The following DROSHA variants were observed in gnomAD, a reference collection of about 807,000 sequenced individuals.
DROSHA encodes drosha ribonuclease III, also known as ribonuclease 3.
In DROSHA, 56 loss-of-function variants were observed where a neutral mutation model predicts 181.9. That is an observed-to-expected ratio of 0.31 (90% confidence interval 0.25 to 0.38). The LOEUF (loss-of-function observed/expected upper bound fraction) is 0.38. DROSHA is among the 10% of genes least tolerant of loss of function. The probability of loss-of-function intolerance (pLI) is 1.00; values close to 1 mark genes in which losing one functional copy is unlikely to be tolerated. For synonymous variants in DROSHA, 524 were observed against 591.2 expected (o/e 0.89, Z 1.65); for missense variants, 1,218 against 1,743.5 (o/e 0.70, Z 5.37).
Position 31,435,867 on chromosome 5 carries a change from AC to A in DROSHA, c.2943-4del. ...GAAACAAATAGTACAAATGGACGCT[AC>A]AAAAAAAAAAAGAAGTACATGAATA... On this transcript the variant is annotated splice_polypyrimidine_tract_variant and splice_region_variant and intron_variant, in intron 24 of 35. Transcript: ENST00000344624. The A allele has an allele frequency of 6.2e-7, 1 of 1,606,598 alleles. No individual in the cohort carries two copies. Among genetic ancestry groups the A allele is most frequent in the Admixed American group, 1.7e-5 (1 of 58,548 alleles).
At position 31,409,507 on chromosome 5, in the gene DROSHA, A is replaced by T; in HGVS notation, c.3668-175T>A. The T allele has an allele frequency of 1.6e-6, 1 of 607,282 alleles. No homozygotes were observed. Among genetic ancestry groups the T allele is most frequent in the Non-Finnish European group, 2.9e-6 (1 of 342,036 alleles). The allele number at this position is 607,282 out of a possible 1,614,324, so 37.6% of individuals were successfully genotyped here. On this transcript the variant is annotated intron_variant, in intron 31 of 35. Transcript: ENST00000344624. This position sits in a 1 kb window ranked among gnomAD's most constrained non-coding sequence, Gnocchi z 4.0. ...ACTTTTTATCATTAATATCAGAAGC[A>T]GCAAGAGATGTGTAAGATGCAAATC...
intron 26 of DROSHA, among the ~76,000 whole-genome samples, chr5:31,430,352 A>T (rs906191272): frequency 3.3e-5 from 5 of 152,140 alleles, no homozygotes; most frequent in Non-Finnish European, 5.9e-5. Flanking sequence ...CTTCACTTTC[A>T]TGGGGTACCT....
At chr5:31,438,061 A>G (rs1365882592) in intron 23 of DROSHA, among the ~76,000 whole-genome samples, 1 of 152,202 alleles carries the variant, frequency 6.6e-6, no homozygotes, top group Admixed American at 6.5e-5. Flanking sequence ...TTAGACTTTA[A>G]TTATATGATG....
In DROSHA at chr5:31,410,905, C is replaced by T. The variant is rs778980225; in HGVS notation, c.3526-18G>A. On this transcript the variant is annotated intron_variant, in intron 30 of 35. Coordinates refer to ENST00000344624, the MANE Select transcript of DROSHA (RefSeq NM_001382508.1). ...CGCAACAACTGCCCAAAAGGAATGGCGGTACATTGAGAACACATTTCACTT... is the reference window on the plus strand; with the variant it reads ...CGCAACAACTGCCCAAAAGGAATGGTGGTACATTGAGAACACATTTCACTT... 9.3e-6 allele frequency: 15 copies of T among 1,613,162 alleles called. No homozygotes were observed. The highest frequency in any genetic ancestry group is 6.7e-5 in the African/African-American group (5 of 74,900).
At chr5:31,428,349 A>G (rs894007669) in intron 27 of DROSHA, among the ~76,000 whole-genome samples, 9 of 152,102 alleles carry the variant, frequency 5.9e-5, no homozygotes, top group African/African-American at 1.9e-4. Context: ...AAGGAAAGAG[A>G]GCAAAGAGGT....
intron 20 of DROSHA, among the ~76,000 whole-genome samples, chr5:31,462,461 T>C (rs1477142175): frequency 6.6e-6 from 1 of 151,922 alleles, no homozygotes; most frequent in East Asian, 1.9e-4. Context: ...ACTGAGTGAG[T>C]CCTTTTGCCT....
chr5:31,485,591 C>A (rs1403943588), intron 14 of DROSHA, among the ~76,000 whole-genome samples: 6 of 116,500 alleles, frequency 5.2e-5, no homozygotes, highest in South Asian at 2.8e-4. Flanking sequence ...TAAACTTTTA[C>A]AATAGCAAAT....
rs530480889 is a variant in DROSHA, at chr5:31,526,673, G to T, written c.260C>A (p.Pro87Gln). 1 of 1,516,928 alleles carries T rather than the reference G, an allele frequency of 6.6e-7. No individual in the cohort carries two copies. Among genetic ancestry groups the T allele is most frequent in the African/African-American group, 1.4e-5 (1 of 71,138 alleles). The allele number at this position is 1,516,928 out of a possible 1,614,324, so 94.0% of individuals were successfully genotyped here. Residue 87 changes from proline to glutamine, a missense_variant, in exon 5 of 36, where the codon CCG (proline) becomes CAG (glutamine). Pro to Gln is a moderately conservative substitution (Grantham distance 76, BLOSUM62 -1). Transcript: ENST00000344624. ...DFVPFPPPMP[P>Q]SAQGPLPPCP... ...GGGGGGAAGAGGGCCTTGCGCTGAC[G>T]GAGGCATGGGTGGGGGGAAGGGTAC... is the stretch of plus-strand genomic sequence containing the variant.
At position 31,405,659 on chromosome 5, in the gene DROSHA, A is replaced by G; in HGVS notation, c.3994+18T>C. On this transcript the variant is annotated intron_variant, in intron 35 of 35. Coordinates refer to ENST00000344624, the MANE Select transcript of DROSHA (RefSeq NM_001382508.1). ...CATTACATTATGAACATAATTATAG[A>G]AAAAAAAACAGGCTTACATTTTTCA... The G allele has an allele frequency of 2.6e-6, 4 of 1,542,910 alleles. No homozygotes were observed. The highest frequency in any genetic ancestry group is 1.7e-6 in the Non-Finnish European group (2 of 1,144,656).
At chr5:31,486,686 G>A (rs1751806041) in intron 13 of DROSHA, 124 bp from the exon 14 acceptor site, 4 of 714,906 alleles carry the variant, frequency 5.6e-6, no homozygotes, top group Admixed American at 6.1e-5. Flanking sequence ...CATCTCAGCG[G>A]CTAACAACAC....
chr5:31,443,228 G>C (rs1014574257), intron 23 of DROSHA, among the ~76,000 whole-genome samples: 1 of 151,910 alleles, frequency 6.6e-6, no homozygotes, highest in African/African-American at 2.4e-5. Flanking sequence ...ATGTTGGCCA[G>C]GCTGGACTTG....
chr5:31,486,660 G>C, intron 13 of DROSHA, 98 bp from the exon 14 acceptor site: 1 of 976,092 alleles, frequency 1.0e-6, no homozygotes, highest in South Asian at 1.6e-5. Flanking sequence ...TGAACCAAAT[G>C]AGAAGGCTTC....
intron 23 of DROSHA, among the ~76,000 whole-genome samples, chr5:31,445,525 C>G (rs561262615): frequency 2.6e-5 from 4 of 152,202 alleles, no homozygotes; most frequent in Non-Finnish European, 5.9e-5. Flanking sequence ...ACAAGTATCT[C>G]TTGTGAATAC....
intron 20 of DROSHA, among the ~76,000 whole-genome samples, chr5:31,463,136 T>G (rs1041651207): frequency 7.2e-5 from 11 of 152,142 alleles, no homozygotes; most frequent in African/African-American, 2.7e-4. Context: ...AAAATATTCA[T>G]CTGAAAGTAC....
At chr5:31,461,397 A>G (rs900470509) in intron 20 of DROSHA, among the ~76,000 whole-genome samples, 1 of 152,208 alleles carries the variant, frequency 6.6e-6, no homozygotes, top group African/African-American at 2.4e-5. Flanking sequence ...CTTAGTTAAA[A>G]TGTACCCAGA....
chr5:31,454,723 G>A (rs1440450148), intron 20 of DROSHA, among the ~76,000 whole-genome samples: 1 of 151,950 alleles, frequency 6.6e-6, no homozygotes, highest in Admixed American at 6.6e-5. Flanking sequence ...GTTGGATCAC[G>A]AGGTCAGGAG....
At chr5:31,469,318 C>G (rs1352923864) in intron 17 of DROSHA, among the ~76,000 whole-genome samples, 1 of 152,030 alleles carries the variant, frequency 6.6e-6, no homozygotes, top group Non-Finnish European at 1.5e-5. Context: ...GATCGCACCA[C>G]TGTGCTCCAG....
chr5:31,405,582 T>G, intron 35 of DROSHA, 95 bp downstream of exon 35: 1 of 1,109,768 alleles, frequency 9.0e-7, no homozygotes, highest in Non-Finnish European at 1.3e-6. Flanking sequence ...AGATCACATT[T>G]TATCAATACT....
At chr5:31,446,757 G>A in intron 23 of DROSHA, among the ~76,000 whole-genome samples, 1 of 151,510 alleles carries the variant, frequency 6.6e-6, no homozygotes. Context: ...AGAAAATGTG[G>A]GGCCAGGCAC....
Sources: gnomAD v4.1 joint callset for allele counts (sites outside exome capture counted in the v4.1 genomes callset) on GRCh38, gnomAD v4.1.1 for gene constraint, Gnocchi (gnomAD v3.1) non-coding constraint, MANE v1.5 for transcripts, NCBI Gene and HGNC (gene_info 2026-07-23, HGNC 2026-07-21) for gene names.